Variants in OXNAD1 observed in about 807,000 individuals in gnomAD.
The protein encoded by OXNAD1 is oxidoreductase NAD binding domain containing 1.
Under a neutral mutation model 32.9 loss-of-function variants are expected in OXNAD1, and 34 were observed. The ratio of observed to expected loss-of-function variants is 1.03; its 90% CI spans 0.79 to 1.38. The LOEUF (loss-of-function observed/expected upper bound fraction) is 1.38, where lower values mean the gene tolerates loss of function less well. OXNAD1 is among the 40% of genes most tolerant of loss of function. The pLI is 0.00. For missense variants in OXNAD1, 407 were observed against 379.4 expected (o/e 1.07, Z -0.60); for synonymous variants, 134 against 135.2 (o/e 0.99, Z 0.06).
chr3:16,303,702 A>T lies in OXNAD1; in HGVS notation c.*140A>T. The T allele has an allele frequency of 6.6e-6, 6 of 905,496 alleles. No homozygotes were observed. Among genetic ancestry groups the T allele is most frequent in the Non-Finnish European group, 9.3e-6 (6 of 642,666 alleles). The allele number at this position is 905,496 out of a possible 1,614,324, so 56.1% of individuals were successfully genotyped here. ...CTATAAACTTAGTGACCAGCTGGAT[A>T]ATAAAAGCCAGCTGGCAGACTTAAA... On this transcript the variant is annotated 3_prime_UTR_variant, in exon 9 of 9. Transcript: ENST00000285083. This position sits in a 1 kb window ranked among gnomAD's most constrained non-coding sequence, Gnocchi z 4.8.
rs1189271789 is a variant in OXNAD1, at chr3:16,327,066, T to C, written c.*31-10046T>C. Among the ~76,000 whole-genome samples, 1 of 152,238 alleles carries C rather than the reference T, an allele frequency of 6.6e-6. No individual in the cohort carries two copies. The highest frequency in any genetic ancestry group is 2.1e-4 in the South Asian group (1 of 4,832). On this transcript the variant is annotated intron_variant, in intron 9 of 9. Coordinates refer to the OXNAD1 transcript ENST00000435829. This position sits in a 1 kb window ranked among gnomAD's most constrained non-coding sequence, Gnocchi z 4.2. ...GGAGTCAAACTGCCAACATGGGATT[T>C]CCTTCTGGGCCCCATTTCAGTCTGT...
chr3:16,275,076 C>A, intron 4 of OXNAD1: 1 of 156,958 alleles, frequency 6.4e-6, no homozygotes, highest in East Asian at 1.8e-4. Context: ...GTGACATCCC[C>A]TGTTGTAAAA....
chr3:16,277,363 C>T lies in OXNAD1; in HGVS notation c.183+5641C>T, dbSNP rs2065422180. ...GTCATTAGGAACTTGCCCCAATCTC[C>T]AGAGGGTGCTCCTAGCCATAGAGTA... is the stretch of plus-strand genomic sequence containing the variant. On this transcript the variant is annotated intron_variant, in intron 4 of 8. Transcript: ENST00000285083. This position sits in a 1 kb window ranked among gnomAD's most constrained non-coding sequence, Gnocchi z 4.3. 1.3e-5 allele frequency among the ~76,000 whole-genome samples: 2 copies of T among 152,182 alleles called. No homozygotes were observed. The highest frequency in any genetic ancestry group is 1.3e-4 in the Admixed American group (2 of 15,286).
chr3:16,282,224 T>C (rs2065794161), intron 4 of OXNAD1, among the ~76,000 whole-genome samples: 1 of 151,910 alleles, frequency 6.6e-6, no homozygotes, highest in Non-Finnish European at 1.5e-5. Flanking sequence ...GTCTTTGTAA[T>C]AAGATACTTA....
chr3:16,310,321 A>G (rs933998655), downstream of OXNAD1, among the ~76,000 whole-genome samples: 1 of 152,136 alleles, frequency 6.6e-6, no homozygotes, highest in African/African-American at 2.4e-5. Flanking sequence ...TGAACAATCA[A>G]CAAGATAGGA....
intron 1 of OXNAD1, among the ~76,000 whole-genome samples, chr3:16,268,427 T>C (rs2064705167): frequency 6.9e-6 from 1 of 143,908 alleles, no homozygotes; most frequent in African/African-American, 2.5e-5. Flanking sequence ...CCTCCCAGGT[T>C]CAAGCGATTC....
rs999703976 is a variant in OXNAD1 at position 16,298,362 on chromosome 3, G to A, written c.433-3264G>A. On this transcript the variant is annotated intron_variant, in intron 6 of 8. Transcript: ENST00000285083. This position sits in a 1 kb window ranked among gnomAD's most constrained non-coding sequence, Gnocchi z 5.1. ...CTCCCTGTTATCCTTAGCTTCTCAC[G>A]CGACCTGGCCTGGTCCTGGTCCACA... 6.6e-6 allele frequency among the ~76,000 whole-genome samples: 1 copy of A among 151,960 alleles called. No homozygotes were observed.
intron 9 of OXNAD1, among the ~76,000 whole-genome samples, chr3:16,325,257 A>G (rs183297050): frequency 1.6e-3 from 247 of 152,358 alleles, no homozygotes; most frequent in African/African-American, 5.8e-3. Context: ...GCTCAGCTCA[A>G]GAGCAGGCTG....
At position 16,328,819 on chromosome 3, in the gene OXNAD1, GAA is replaced by G. The variant is rs1190189326; in HGVS notation, c.*31-8290_*31-8289del. Among the ~76,000 whole-genome samples the G allele has an allele frequency of 6.6e-4, 100 of 152,336 alleles. 1 individual carries two copies. The highest frequency in any genetic ancestry group is 1.9e-4 in the Non-Finnish European group (13 of 68,024). On this transcript the variant is annotated intron_variant, in intron 9 of 9. Coordinates refer to the OXNAD1 transcript ENST00000435829. Reference sequence around the variant, plus strand: ...ATCATGTAGGTCCCTCCTGGCAAAAGAAAAGTCTGTAATTCTGTGGCCAGAAT... The same window carrying G: ...ATCATGTAGGTCCCTCCTGGCAAAAGAAGTCTGTAATTCTGTGGCCAGAAT...
At chr3:16,276,513 C>CTT in intron 4 of OXNAD1, 1 of 109,988 alleles carries the variant, frequency 9.1e-6, no homozygotes, top group Non-Finnish European at 1.7e-5. Context: ...ATCAATCTTG[C>CTT]TATTTTTTTT....
In OXNAD1 at chr3:16,317,037, C is replaced by G; in HGVS notation, c.*30+13445C>G. The G allele has an allele frequency of 6.2e-7, 1 of 1,613,796 alleles. No individual in the cohort carries two copies. The highest frequency in any genetic ancestry group is 8.5e-7 in the Non-Finnish European group (1 of 1,179,952). On this transcript the variant is annotated intron_variant, in intron 9 of 9. Coordinates refer to the OXNAD1 transcript ENST00000435829. The surrounding 1 kb of genome is among the most constrained non-coding windows in gnomAD (Gnocchi z 4.3). ...TCTCCCTTGTCCTCTTGGACAGGGC[C>G]CTTCATCTCCTCGGAGACTCCACCC...
chr3:16,305,861 T>C lies in OXNAD1; in HGVS notation c.*2299T>C, dbSNP rs1202176335. 4 of 152,244 alleles carry C rather than the reference T, an allele frequency of 2.6e-5. No homozygotes were observed. Among genetic ancestry groups the C allele is most frequent in the African/African-American group, 9.6e-5 (4 of 41,464 alleles). The allele number at this position is 152,244 out of a possible 1,614,324, so 9.4% of individuals were successfully genotyped here. A position where few individuals can be genotyped will look rare whatever the true frequency, so the allele number is the denominator to read the frequency against. Reference sequence around the variant, plus strand: ...AAGGTGATCATACATGTAAAGTGCTTGGCAGAGCACTGCATGAGTGTGTTG... The same window carrying C: ...AAGGTGATCATACATGTAAAGTGCTCGGCAGAGCACTGCATGAGTGTGTTG... On this transcript the variant is annotated 3_prime_UTR_variant, in exon 9 of 9. Transcript: ENST00000285083. The surrounding 1 kb of genome is among the most constrained non-coding windows in gnomAD (Gnocchi z 4.5).
chr3:16,298,697 C>T lies in OXNAD1; in HGVS notation c.433-2929C>T, dbSNP rs999422616. On this transcript the variant is annotated intron_variant, in intron 6 of 8. Coordinates refer to ENST00000285083, the MANE Select transcript of OXNAD1 (RefSeq NM_138381.5). The surrounding 1 kb of genome is among the most constrained non-coding windows in gnomAD (Gnocchi z 5.1). ...TGGAATAAAGTGCCATAAACGTCTT[C>T]CTTTATTTTATCTGCTTTGGCTCAA... 5.3e-5 allele frequency among the ~76,000 whole-genome samples: 8 copies of T among 152,134 alleles called. No individual in the cohort carries two copies. Among genetic ancestry groups the T allele is most frequent in the Non-Finnish European group, 1.2e-4 (8 of 68,008 alleles).
chr3:16,300,745 T>G (rs1283957700), intron 6 of OXNAD1, among the ~76,000 whole-genome samples: 1 of 152,184 alleles, frequency 6.6e-6, no homozygotes, highest in Admixed American at 6.5e-5. Flanking sequence ...AGTAGGAACT[T>G]TCTCACAAAA....
rs2066305348 is a variant in OXNAD1 at position 16,289,774 on chromosome 3, T to C, written c.290+3326T>C. 6.6e-6 allele frequency among the ~76,000 whole-genome samples: 1 copy of C among 152,236 alleles called. No homozygotes were observed. Among genetic ancestry groups the C allele is most frequent in the South Asian group, 2.1e-4 (1 of 4,836 alleles). On this transcript the variant is annotated intron_variant, in intron 5 of 8. Transcript: ENST00000285083. The surrounding 1 kb of genome is among the most constrained non-coding windows in gnomAD (Gnocchi z 4.9). ...AAAGGGCATCTCTTCTGTGAAGTCTTTCTTAATTCCTGTACTCCTGGTAGA... is the reference window on the plus strand; with the variant it reads ...AAAGGGCATCTCTTCTGTGAAGTCTCTCTTAATTCCTGTACTCCTGGTAGA...
At chr3:16,331,052 C>G (rs1272105087) in intron 9 of OXNAD1, among the ~76,000 whole-genome samples, 1 of 152,192 alleles carries the variant, frequency 6.6e-6, no homozygotes, top group African/African-American at 2.4e-5. Flanking sequence ...TTTGATTTCC[C>G]TTGTCTGAAA....
At chr3:16,273,540 C>T (rs2065111506) in intron 4 of OXNAD1, among the ~76,000 whole-genome samples, 1 of 152,066 alleles carries the variant, frequency 6.6e-6, no homozygotes, top group African/African-American at 2.4e-5. Context: ...ACTACAGGCA[C>T]ACTATTGTGC....
chr3:16,287,723 G>A lies in OXNAD1; in HGVS notation c.290+1275G>A, dbSNP rs1273751214. Among the ~76,000 whole-genome samples, 3 of 152,186 alleles carry A rather than the reference G, an allele frequency of 2.0e-5. No homozygotes were observed. Among genetic ancestry groups the A allele is most frequent in the Admixed American group, 6.5e-5 (1 of 15,278 alleles). On this transcript the variant is annotated intron_variant, in intron 5 of 8. Transcript: ENST00000285083. The surrounding 1 kb of genome is among the most constrained non-coding windows in gnomAD (Gnocchi z 4.8). ...GTGCATTGGTTATTGTGCTGCCACCGTGGTGTGCCTGCAAGTGTAATGCAC... is the reference window on the plus strand; with the variant it reads ...GTGCATTGGTTATTGTGCTGCCACCATGGTGTGCCTGCAAGTGTAATGCAC...
downstream of OXNAD1, among the ~76,000 whole-genome samples, chr3:16,310,915 GGGAGGT>G (rs1300102850): frequency 6.6e-6 from 1 of 150,942 alleles, no homozygotes; most frequent in Non-Finnish European, 1.5e-5. Flanking sequence ...GCTTGAACCT[GGGAGGT>G]GGAGGTTGTG....
Sources: allele counts gnomAD v4.1 joint callset (sites outside exome capture counted in the v4.1 genomes callset), GRCh38; gene constraint gnomAD v4.1.1; non-coding constraint Gnocchi (gnomAD v3.1); transcripts MANE v1.5; gene names NCBI Gene and HGNC (gene_info 2026-07-23, HGNC 2026-07-21).